UBR1: variants seen among roughly 807,000 people sequenced by gnomAD.
The protein encoded by UBR1 is E3 ubiquitin-protein ligase UBR1.
UBR1 carries 102 observed loss-of-function variants against 242.1 expected under a neutral mutation model. The observed-to-expected ratio is 0.42, with a 90% CI of 0.36 to 0.50. The LOEUF is 0.50. UBR1 is among the 20% of genes least tolerant of loss of function. The probability of loss-of-function intolerance (pLI) is 0.01; values close to 1 mark genes in which losing one functional copy is unlikely to be tolerated. For missense variants in UBR1, 1,772 were observed against 2,101.8 expected (o/e 0.84, Z 3.07); for synonymous variants, 675 against 684.8 (o/e 0.99, Z 0.22).
At chr15:43,062,230 A>G (rs2033697316) in intron 6 of UBR1, among the ~76,000 whole-genome samples, 1 of 152,194 alleles carries the variant, frequency 6.6e-6, no homozygotes, top group South Asian at 2.1e-4. Flanking sequence ...AGAAGGTGGA[A>G]GCAACCCAAG....
At chr15:43,032,227 T>C (rs957796200) in intron 20 of UBR1, among the ~76,000 whole-genome samples, 6 of 152,202 alleles carry the variant, frequency 3.9e-5, no homozygotes, top group Non-Finnish European at 8.8e-5. Flanking sequence ...ACATTATTTC[T>C]GGCAAAGAAC....
intron 44 of UBR1, among the ~76,000 whole-genome samples, chr15:42,956,073 G>C (rs1257079417): frequency 6.6e-6 from 1 of 152,144 alleles, no homozygotes; most frequent in Non-Finnish European, 1.5e-5. Flanking sequence ...TTGAGGTGGG[G>C]GGATGGTGCC....
intron 46 of UBR1, 82 bp from the exon 47 acceptor site, chr15:42,945,552 C>G: frequency 6.5e-7 from 1 of 1,548,830 alleles, no homozygotes; most frequent in Non-Finnish European, 8.8e-7. Flanking sequence ...AGTATGCACT[C>G]TTGAGATGTT....
In UBR1 at chr15:43,057,323, G is replaced by C. The variant is rs1274282188; in HGVS notation, c.1183-881C>G. On this transcript the variant is annotated intron_variant, in intron 10 of 46. Transcript: ENST00000290650. ...GGTAATGCAGGTATCTTATCCCACA[G>C]TGTCATTTGCCTACAACAATCATTA... is the stretch of plus-strand genomic sequence containing the variant. 2.0e-5 allele frequency among the ~76,000 whole-genome samples: 3 copies of C among 152,282 alleles called. No individual in the cohort carries two copies. In the East Asian group the frequency reaches 5.8e-4, roughly 29 times the overall value.
At chr15:43,074,699 G>A (rs2033865481) in intron 4 of UBR1, among the ~76,000 whole-genome samples, 1 of 152,262 alleles carries the variant, frequency 6.6e-6, no homozygotes, top group South Asian at 2.1e-4. Context: ...AGGATTACAG[G>A]CATGAGCCAT....
intron 3 of UBR1, among the ~76,000 whole-genome samples, chr15:43,081,456 G>C (rs2033974436): frequency 7.1e-6 from 1 of 140,916 alleles, no homozygotes; most frequent in African/African-American, 2.6e-5. Flanking sequence ...AGTTCCTGTT[G>C]TTCCACATCC....
rs765487695 is a variant in UBR1 at position 43,027,767 on chromosome 15, A to T, written c.2432+9T>A. The T allele has an allele frequency of 1.2e-6, 2 of 1,609,606 alleles. No homozygotes were observed. Among genetic ancestry groups the T allele is most frequent in the Non-Finnish European group, 1.7e-6 (2 of 1,176,618 alleles). On this transcript the variant is annotated intron_variant, in intron 22 of 46. Coordinates refer to ENST00000290650, the MANE Select transcript of UBR1 (RefSeq NM_174916.3). Reference sequence around the variant, plus strand: ...CCTTTTAGAATAAGCATAAATATTAAGCACTTACTTAAATGTGGCCACTTT... The same window carrying T: ...CCTTTTAGAATAAGCATAAATATTATGCACTTACTTAAATGTGGCCACTTT...
At chr15:43,061,182 G>A (rs1276798924) in intron 6 of UBR1, among the ~76,000 whole-genome samples, 1 of 152,134 alleles carries the variant, frequency 6.6e-6, no homozygotes, top group Non-Finnish European at 1.5e-5. Flanking sequence ...TGGGAGACAG[G>A]ACTAGATTGG....
At chr15:43,012,061 C>T (rs2032931074) in intron 29 of UBR1, 2 of 243,824 alleles carry the variant, frequency 8.2e-6, no homozygotes, top group South Asian at 8.8e-5. Context: ...CCCCTCTCTA[C>T]TAAAAATACA....
intron 14 of UBR1, among the ~76,000 whole-genome samples, chr15:43,043,883 A>G (rs868783060): frequency 1.3e-5 from 2 of 152,342 alleles, no homozygotes; most frequent in Middle Eastern, 6.8e-3. Flanking sequence ...TAATCAAAGT[A>G]AAAAATAAGT....
chr15:42,958,349 T>C (rs1250797406), intron 43 of UBR1, among the ~76,000 whole-genome samples: 2 of 152,214 alleles, frequency 1.3e-5, no homozygotes, highest in African/African-American at 4.8e-5. Context: ...CTGTACTGTA[T>C]AGGGAAGTAA....
chr15:42,946,425 T>C (rs1019861148), intron 46 of UBR1, among the ~76,000 whole-genome samples: 7 of 152,154 alleles, frequency 4.6e-5, no homozygotes, highest in African/African-American at 1.7e-4. Flanking sequence ...CGCGGCCGCC[T>C]GGTTGGGGAT....
At chr15:43,016,638 G>A (rs1043635964) in intron 28 of UBR1, among the ~76,000 whole-genome samples, 2 of 152,180 alleles carry the variant, frequency 1.3e-5, no homozygotes, top group Admixed American at 6.5e-5. Flanking sequence ...ATGCAGTAGC[G>A]TGATTTTGGC....
At chr15:43,075,190 C>A (rs916651928) in intron 3 of UBR1, 101 bp from the exon 4 acceptor site, 13 of 953,780 alleles carry the variant, frequency 1.4e-5, no homozygotes, top group Admixed American at 3.4e-5. Flanking sequence ...AATACTCCAA[C>A]CTTAATTGAG....
At chr15:42,960,252 T>C (rs2031992854) in intron 43 of UBR1, among the ~76,000 whole-genome samples, 1 of 152,180 alleles carries the variant, frequency 6.6e-6, no homozygotes, top group Non-Finnish European at 1.5e-5. Flanking sequence ...AAGGATATAG[T>C]TCTATGTATA....
In UBR1 at chr15:43,054,818, T is replaced by C. The variant is rs772264230; in HGVS notation, c.1363A>G (p.Arg455Gly). ...CCCTGGAAGTTGAATTTATTGTTCC[T>C]GTCCAAGTACTCAGGTAAAACTTCT... is the stretch of plus-strand genomic sequence containing the variant. ...LLEVLPEYLD[R>G]NNKFNFQGYS... The change falls in exon 12 of 47, where the codon AGG (arginine) becomes GGG (glycine). Residue 455 changes from arginine (R) to glycine (G), a missense_variant. Arg to Gly is a moderately radical substitution (Grantham distance 125). Around this residue, in one of 3 missense-constraint regions of UBR1, gnomAD observed 734 missense variants for 893.3 expected, o/e 0.82. Coordinates refer to ENST00000290650, the MANE Select transcript of UBR1 (RefSeq NM_174916.3). The C allele has an allele frequency of 2.5e-6, 4 of 1,614,192 alleles. No individual in the cohort carries two copies. The highest frequency in any genetic ancestry group is 1.1e-5 in the South Asian group (1 of 91,086).
chr15:43,081,463 A>G (rs1299414446), intron 3 of UBR1, among the ~76,000 whole-genome samples: 47 of 151,236 alleles, frequency 3.1e-4, no homozygotes, highest in Admixed American at 3.0e-3. Flanking sequence ...GTTGTTCCAC[A>G]TCCTCACCAG....
At chr15:42,964,538 A>T (rs2032075056) in intron 41 of UBR1, among the ~76,000 whole-genome samples, 1 of 152,106 alleles carries the variant, frequency 6.6e-6, no homozygotes, top group Non-Finnish European at 1.5e-5. Context: ...TGATTTTTTT[A>T]AAACATAAAT....
At chr15:43,006,052 C>A (rs1366732526) in intron 30 of UBR1, among the ~76,000 whole-genome samples, 1 of 146,952 alleles carries the variant, frequency 6.8e-6, no homozygotes, top group Non-Finnish European at 1.5e-5. Context: ...CTGCCAAATC[C>A]CCCTCTCGGA....
Sources: gnomAD v4.1 joint callset for allele counts (sites outside exome capture counted in the v4.1 genomes callset) on GRCh38, gnomAD v4.1.1 for gene constraint, gnomAD v4.1.1 regional missense constraint, MANE v1.5 for transcripts, NCBI Gene and HGNC (gene_info 2026-07-23, HGNC 2026-07-21) for gene names.